Variants in MYO1G observed in about 807,000 individuals in gnomAD.
MYO1G encodes the protein myosin IG, also known as unconventional myosin-Ig.
In MYO1G, 65 loss-of-function variants were observed where a neutral mutation model predicts 115.3. The observed-to-expected ratio is 0.56, with a 90% CI of 0.46 to 0.69. The LOEUF is 0.69. Among genes scored for constraint, MYO1G ranks in the 30% least tolerant of loss-of-function variants. MYO1G has a pLI of 0.00. For synonymous variants in MYO1G, 510 were observed against 552.6 expected, an observed-to-expected ratio of 0.92 and a Z score of 1.08; for missense variants, 1,204 against 1,393.5, an observed-to-expected ratio of 0.86 and a Z score of 2.16.
Position 44,964,373 on chromosome 7 carries a change from A to G in MYO1G, c.2631+42T>C. On this transcript the variant is annotated intron_variant, in intron 19 of 21. Transcript: ENST00000258787. The surrounding 1 kb of genome is among the most constrained non-coding windows in gnomAD (Gnocchi z 5.1). ...TTCTAACCTTGCAGACGTGGCTAGA[A>G]AAAGAGCACAGCCCTGAAGCCATCC... is the stretch of plus-strand genomic sequence containing the variant. 1 of 1,574,296 alleles carries G rather than the reference A, an allele frequency of 6.4e-7. No homozygotes were observed. The highest frequency in any genetic ancestry group is 2.2e-5 in the East Asian group (1 of 44,446).
chr7:44,970,305 G>T lies in MYO1G; in HGVS notation c.1218-151C>A, dbSNP rs1562830604. The T allele has an allele frequency of 4.2e-6, 3 of 706,712 alleles. No individual in the cohort carries two copies. In the South Asian group the frequency reaches 5.2e-5, roughly 12 times the overall value. 43.8% of individuals were successfully genotyped at this position (706,712 alleles called of 1,614,324 possible). The stretch of plus-strand genomic sequence containing the variant: ...GCTTCCCTGTGGCTTATGCATCCCT[G>T]CCCTGGACTCCTTTACCCCACCCAC... On this transcript the variant is annotated intron_variant, in intron 9 of 21. Coordinates refer to ENST00000258787, the MANE Select transcript of MYO1G (RefSeq NM_033054.3).
In MYO1G at chr7:44,962,768, A is replaced by G; in HGVS notation, c.3028T>C (p.Ser1010Pro). Reference sequence around the variant, plus strand: ...CGGCTGGGCCAGAGCAGGGTGAAGGAGCCGCGAGCGCAGCGGAAATCGGGC... The same window carrying G: ...CGGCTGGGCCAGAGCAGGGTGAAGGGGCCGCGAGCGCAGCGGAAATCGGGC... ...PEPDFRCARG[S>P]FTLLWPSR Residue 1010 changes from serine (S) to proline (P), a missense_variant, in exon 22 of 22, where the codon TCC (serine) becomes CCC (proline). Physicochemically the swap from Ser to Pro is moderately conservative, Grantham distance 74. Coordinates refer to ENST00000258787, the MANE Select transcript of MYO1G (RefSeq NM_033054.3). This position sits in a 1 kb window ranked among gnomAD's most constrained non-coding sequence, Gnocchi z 5.3. 1 of 1,486,690 alleles carries G rather than the reference A, an allele frequency of 6.7e-7. No homozygotes were observed. Among genetic ancestry groups the G allele is most frequent in the Non-Finnish European group, 8.9e-7 (1 of 1,127,636 alleles). 92.1% of individuals were successfully genotyped at this position (1,486,690 alleles called of 1,614,324 possible). A position where few individuals can be genotyped will look rare whatever the true frequency, so the allele number is the denominator to read the frequency against.
Position 44,975,511 on chromosome 7 carries a change from T to C in MYO1G, c.537A>G (p.Gly179=). The C allele has an allele frequency of 6.2e-7, 1 of 1,613,142 alleles. No homozygotes were observed. Among genetic ancestry groups the C allele is most frequent in the Admixed American group, 1.7e-5 (1 of 59,946 alleles). Residue 179 remains glycine, a synonymous_variant, in exon 4 of 22, where the codon GGA becomes GGG. Coordinates refer to ENST00000258787, the MANE Select transcript of MYO1G (RefSeq NM_033054.3). ...TCTCCAGTAGGTAGCTGTGGATGTGTCCTCCGATCGGGTCCCCCTTGAAGT... is the reference window on the plus strand; with the variant it reads ...TCTCCAGTAGGTAGCTGTGGATGTGCCCTCCGATCGGGTCCCCCTTGAAGT... The part of the protein sequence containing the change: ...NFDFKGDPIG[G]HIHSYLLEKS...
In MYO1G at chr7:44,967,673, G is replaced by A. The variant is rs200887711; in HGVS notation, c.1714C>T (p.Arg572Cys). ...AAGAGTGTGCCAGCCGTCAGGGGGC[G>A]CTTGGTCACCTCTGTGATGTCCTGC... ...GQQDITEVTK[R>C]PLTAGTLFKN... is the part of the protein sequence containing the mutation. The change falls in exon 14 of 22, where the codon CGC becomes TGC. Residue 572 changes from arginine (R) to cysteine (C), a missense_variant. Coordinates refer to ENST00000258787, the MANE Select transcript of MYO1G (RefSeq NM_033054.3). 2.5e-6 allele frequency: 4 copies of A among 1,613,734 alleles called. No individual in the cohort carries two copies. Among genetic ancestry groups the A allele is most frequent in the East Asian group, 2.2e-5 (1 of 44,878 alleles).
At position 44,964,487 on chromosome 7, in the gene MYO1G, A is replaced by G. The variant is rs748822147; in HGVS notation, c.2559T>C (p.Phe853=). 1.2e-6 allele frequency: 2 copies of G among 1,614,038 alleles called. No individual in the cohort carries two copies. Among genetic ancestry groups the G allele is most frequent in the East Asian group, 2.2e-5 (1 of 44,884 alleles). The change falls in exon 19 of 22, where the codon TTT becomes TTC. Residue 853 remains phenylalanine, a synonymous_variant. Transcript: ENST00000258787. This position sits in a 1 kb window ranked among gnomAD's most constrained non-coding sequence, Gnocchi z 5.1. Reference sequence around the variant, plus strand: ...CCTGAAGTGTCTTTAGTCGCTGAGCAAACAGGCTTGATGCTGTGGGATTGT... The same window carrying G: ...CCTGAAGTGTCTTTAGTCGCTGAGCGAACAGGCTTGATGCTGTGGGATTGT... The part of the protein sequence containing the change: ...ATDNPTASSL[F]AQRLKTLQDK...
intron 3 of MYO1G, 40 bp downstream of exon 3, chr7:44,976,524 C>T: frequency 6.3e-7 from 1 of 1,594,586 alleles, no homozygotes; most frequent in Non-Finnish European, 8.6e-7. Context: ...AGGTCCCTGG[C>T]CTGCCATGCT....
chr7:44,964,964 G>A lies in MYO1G; in HGVS notation c.2507C>T (p.Ala836Val). The change falls in exon 18 of 22, where the codon GCC becomes GTC. Residue 836 changes from alanine (A) to valine (V), a missense_variant. By Grantham distance (64) the Ala-to-Val change is moderately conservative. Transcript: ENST00000258787. The surrounding 1 kb of genome is among the most constrained non-coding windows in gnomAD (Gnocchi z 5.1). ...RQDWGCRRAW[A>V]RDYLSSATDN... ...ACTTACAGAGGACAGGTAGTCTCGG[G>A]CCCAGGCCCGTCGGCAGCCCCAGTC... is the stretch of plus-strand genomic sequence containing the variant. 6.3e-7 allele frequency: 1 copy of A among 1,599,408 alleles called. No homozygotes were observed. Among genetic ancestry groups the A allele is most frequent in the Non-Finnish European group, 8.5e-7 (1 of 1,169,754 alleles).
chr7:44,968,172 C>T (rs1794882513), intron 12 of MYO1G, among the ~76,000 whole-genome samples: 1 of 152,216 alleles, frequency 6.6e-6, no homozygotes, highest in African/African-American at 2.4e-5. Flanking sequence ...ACATTTCTCT[C>T]CTGGAAGATG....
chr7:44,963,975 T>G lies in MYO1G; in HGVS notation c.2745+74A>C, dbSNP rs544158186. The stretch of plus-strand genomic sequence containing the variant: ...CTCAGGTAAACAGGGGAGAGAAGAC[T>G]GAGGCAGGACTCTGAGCAGCCCAGC... On this transcript the variant is annotated intron_variant, in intron 20 of 21. Coordinates refer to ENST00000258787, the MANE Select transcript of MYO1G (RefSeq NM_033054.3). The surrounding 1 kb of genome is among the most constrained non-coding windows in gnomAD (Gnocchi z 4.1). 38 of 1,208,244 alleles carry G rather than the reference T, an allele frequency of 3.1e-5. No individual in the cohort carries two copies. Among genetic ancestry groups the G allele is most frequent in the Non-Finnish European group, 2.7e-5 (23 of 841,146 alleles). The allele number at this position is 1,208,244 out of a possible 1,614,324, so 74.8% of individuals were successfully genotyped here. A position where few individuals can be genotyped will look rare whatever the true frequency, so the allele number is the denominator to read the frequency against.
chr7:44,978,440 A>G (rs1795120507), intron 1 of MYO1G, among the ~76,000 whole-genome samples: 1 of 152,216 alleles, frequency 6.6e-6, no homozygotes, highest in Non-Finnish European at 1.5e-5. Context: ...CCCATGGATG[A>G]GATGCATCGA....
chr7:44,972,099 T>A lies in MYO1G; in HGVS notation c.729+16A>T, dbSNP rs1346075640. The A allele has an allele frequency of 6.3e-7, 1 of 1,595,280 alleles. No individual in the cohort carries two copies. Among genetic ancestry groups the A allele is most frequent in the African/African-American group, 1.3e-5 (1 of 74,668 alleles). ...CACTGAGCCCAGTTTGAGCCCTTGG[T>A]GCCCCTCACACTCACACTGTGCACA... On this transcript the variant is annotated intron_variant, in intron 6 of 21. Coordinates refer to ENST00000258787, the MANE Select transcript of MYO1G (RefSeq NM_033054.3).
chr7:44,968,734 G>T (rs1034269349), intron 12 of MYO1G: 3 of 152,428 alleles, frequency 2.0e-5, no homozygotes, highest in African/African-American at 7.2e-5. Context: ...CGAACTCTTG[G>T]CCTCAGGTGA....
At chr7:44,977,839 C>T (rs1795087032) in intron 1 of MYO1G, among the ~76,000 whole-genome samples, 1 of 152,138 alleles carries the variant, frequency 6.6e-6, no homozygotes, top group South Asian at 2.1e-4. Context: ...CCTGGGTGGG[C>T]CTGTCCTGAG....
rs533684989 is a variant in MYO1G at position 44,963,283 on chromosome 7, C to T, written c.2746-159G>A. The T allele has an allele frequency of 1.8e-5, 14 of 771,448 alleles. No individual in the cohort carries two copies. In the East Asian group the frequency reaches 4.3e-4, roughly 24 times the overall value. The allele number at this position is 771,448 out of a possible 1,614,324, so 47.8% of individuals were successfully genotyped here. On this transcript the variant is annotated intron_variant, in intron 20 of 21. Transcript: ENST00000258787. The surrounding 1 kb of genome is among the most constrained non-coding windows in gnomAD (Gnocchi z 4.1). ...AGCCCCCCACCGCCCCCTCCTCCCT[C>T]TCGGGGCCCTGCTGACAGGGGGAAG...
chr7:44,966,231 C>T lies in MYO1G; in HGVS notation c.1999G>A (p.Asp667Asn), dbSNP rs199839026. Reference sequence around the variant, plus strand: ...AGGAGAGCGCTCACGGCTGCCTTGTCGGAGCCCAGCAGGTGGTTGGGCCAT... The same window carrying T: ...AGGAGAGCGCTCACGGCTGCCTTGTTGGAGCCCAGCAGGTGGTTGGGCCAT... Reference protein sequence around the residue: ...YTWPNHLLGSDKAAVSALLEQ... With the variant: ...YTWPNHLLGSNKAAVSALLEQ... The change falls in exon 16 of 22, where the codon GAC (aspartate) becomes AAC (asparagine). Residue 667 changes from aspartate to asparagine, a missense_variant. By Grantham distance (23) the Asp-to-Asn change is conservative (BLOSUM62 1). Transcript: ENST00000258787. This position sits in a 1 kb window ranked among gnomAD's most constrained non-coding sequence, Gnocchi z 5.0. The T allele has an allele frequency of 1.9e-5, 30 of 1,611,850 alleles. No homozygotes were observed. Among genetic ancestry groups the T allele is most frequent in the Middle Eastern group, 1.7e-4 (1 of 6,038 alleles).
intron 1 of MYO1G, among the ~76,000 whole-genome samples, chr7:44,978,564 G>A (rs994666074): frequency 7.9e-5 from 12 of 152,344 alleles, no homozygotes; most frequent in African/African-American, 1.4e-4. Flanking sequence ...TGGCCCCGTC[G>A]GGCAGGAAAG....
At position 44,967,607 on chromosome 7, in the gene MYO1G, T is replaced by C. The variant is rs1438844982; in HGVS notation, c.1780A>G (p.Lys594Glu). ...MVALVENLAS[K>E]EPFYVRCIKP... Reference sequence around the variant, plus strand: ...AGTGGGAGAGGGGTGGAACATACCTTGGAGGCAAGGTTCTCCACCAGGGCC... The same window carrying C: ...AGTGGGAGAGGGGTGGAACATACCTCGGAGGCAAGGTTCTCCACCAGGGCC... Residue 594 changes from lysine to glutamate, a missense_variant and splice_region_variant, in exon 14 of 22, where the codon AAG (lysine) becomes GAG (glutamate). Physicochemically the swap from Lys to Glu is moderately conservative, Grantham distance 56. Coordinates refer to ENST00000258787, the MANE Select transcript of MYO1G (RefSeq NM_033054.3). 1 of 1,613,678 alleles carries C rather than the reference T, an allele frequency of 6.2e-7. No homozygotes were observed. Among genetic ancestry groups the C allele is most frequent in the Non-Finnish European group, 8.5e-7 (1 of 1,180,008 alleles).
intron 5 of MYO1G, chr7:44,973,614 T>C (rs1050008168): frequency 4.0e-5 from 6 of 149,206 alleles, no homozygotes; most frequent in African/African-American, 1.5e-4. Context: ...GGAGAGTTTA[T>C]AGTTCATGGA....
At position 44,964,134 on chromosome 7, in the gene MYO1G, C is replaced by T; in HGVS notation, c.2660G>A (p.Arg887Gln). Reference sequence around the variant, plus strand: ...GTGCTGGTCTGTGAGCAGGAGGGCCCGGTTCCGGATCTTGTGGAAGCGGTT... The same window carrying T: ...GTGCTGGTCTGTGAGCAGGAGGGCCTGGTTCCGGATCTTGTGGAAGCGGTT... ...KVNRFHKIRN[R>Q]ALLLTDQHLY... is the part of the protein sequence containing the mutation. Residue 887 changes from arginine to glutamine, a missense_variant, in exon 20 of 22, where the codon CGG becomes CAG. By Grantham distance (43) the Arg-to-Gln change is conservative. Coordinates refer to ENST00000258787, the MANE Select transcript of MYO1G (RefSeq NM_033054.3). This position sits in a 1 kb window ranked among gnomAD's most constrained non-coding sequence, Gnocchi z 5.1. 1.9e-6 allele frequency: 3 copies of T among 1,601,926 alleles called. No individual in the cohort carries two copies. Among genetic ancestry groups the T allele is most frequent in the Admixed American group, 1.7e-5 (1 of 58,232 alleles).
Sources: gnomAD v4.1 joint callset for allele counts (sites outside exome capture counted in the v4.1 genomes callset) on GRCh38, gnomAD v4.1.1 for gene constraint, Gnocchi (gnomAD v3.1) non-coding constraint, MANE v1.5 for transcripts, NCBI Gene and HGNC (gene_info 2026-07-23, HGNC 2026-07-21) for gene names.